Variants in FAT3 observed in about 807,000 individuals in gnomAD.
The protein encoded by FAT3 is FAT atypical cadherin 3.
In FAT3, 95 loss-of-function variants were observed where a neutral mutation model predicts 310.2. The observed-to-expected ratio is 0.31, with a 90% confidence interval of 0.26 to 0.36. The LOEUF is 0.36. Ranked by LOEUF, FAT3 falls within the 10% of genes least tolerant of loss-of-function variation. The pLI is 1.00. For missense variants in FAT3, 5,408 were observed against 5,715.6 expected (o/e 0.95, Z 1.74); for synonymous variants, 2,314 against 2,192.9 (o/e 1.06, Z -1.54).
At chr11:92,364,642 T>C (rs918632121) in intron 2 of FAT3, among the ~76,000 whole-genome samples, 9 of 152,230 alleles carry the variant, frequency 5.9e-5, no homozygotes, top group Non-Finnish European at 1.2e-4. Flanking sequence ...CACTTGCCAG[T>C]TTTTATGAAA....
intron 3 of FAT3, among the ~76,000 whole-genome samples, chr11:92,585,467 C>A (rs1313880014): frequency 1.3e-5 from 2 of 152,026 alleles, no homozygotes; most frequent in Non-Finnish European, 2.9e-5. Flanking sequence ...TCAGAGACAT[C>A]TCTTGTAGTA....
At chr11:92,469,035 T>G (rs1039612193) in intron 2 of FAT3, among the ~76,000 whole-genome samples, 1 of 152,216 alleles carries the variant, frequency 6.6e-6, no homozygotes, top group African/African-American at 2.4e-5. Flanking sequence ...ATTCTGAATT[T>G]TGAGCCAAAT....
intron 3 of FAT3, among the ~76,000 whole-genome samples, chr11:92,638,027 T>C (rs1941830338): frequency 6.6e-6 from 1 of 152,216 alleles, no homozygotes; most frequent in Non-Finnish European, 1.5e-5. Context: ...TACTTCATGT[T>C]ATGTTTGGTG....
intron 3 of FAT3, among the ~76,000 whole-genome samples, chr11:92,660,248 A>G (rs181767596): frequency 2.6e-5 from 4 of 151,436 alleles, no homozygotes; most frequent in East Asian, 3.9e-4. Context: ...TACGAAACAC[A>G]TGACCATTTG....
chr11:92,331,951 C>T (rs189269193), intron 1 of FAT3, among the ~76,000 whole-genome samples: 1 of 152,298 alleles, frequency 6.6e-6, no homozygotes, highest in East Asian at 1.9e-4. Context: ...GGTTCCTTAT[C>T]AAATCCTTCT....
rs1234558477 is a variant in FAT3 at position 92,355,265 on chromosome 11, T to C, written c.3153T>C (p.Ser1051=). ...PYFPDFAVVG[S]VKENSRIGTS... is the part of the protein sequence containing the mutation. ...TCCCAGACTTTGCTGTTGTTGGATCTGTAAAGGAAAACTCACGCATTGGAA... is the reference window on the plus strand; with the variant it reads ...TCCCAGACTTTGCTGTTGTTGGATCCGTAAAGGAAAACTCACGCATTGGAA... The change falls in exon 2 of 28, where the codon TCT becomes TCC. Residue 1051 remains serine (S), a synonymous_variant. Coordinates refer to ENST00000525166, the MANE Select transcript of FAT3 (RefSeq NM_001367949.2). 22 of 1,613,800 alleles carry C rather than the reference T, an allele frequency of 1.4e-5. No individual in the cohort carries two copies. The highest frequency in any genetic ancestry group is 1.8e-5 in the Non-Finnish European group (21 of 1,179,866).
chr11:92,258,313 A>G (rs1323524807), intron 1 of FAT3, among the ~76,000 whole-genome samples: 3 of 152,142 alleles, frequency 2.0e-5, no homozygotes, highest in Non-Finnish European at 4.4e-5. Flanking sequence ...TAGGAGAAGT[A>G]AGTCATGGAC....
intron 2 of FAT3, among the ~76,000 whole-genome samples, chr11:92,370,761 G>T (rs1565265187): frequency 6.6e-6 from 1 of 152,124 alleles, no homozygotes; most frequent in Non-Finnish European, 1.5e-5. Flanking sequence ...CTAAATTCTT[G>T]TGTTTCACAA....
rs2136444751 is a variant in FAT3, at chr11:92,890,671, A to T, written c.13328A>T (p.Glu4443Val). 2 of 1,613,744 alleles carry T rather than the reference A, an allele frequency of 1.2e-6. No individual in the cohort carries two copies. The highest frequency in any genetic ancestry group is 1.7e-6 in the Non-Finnish European group (2 of 1,179,834). ...IDSEYPPPHE[E>V]EFLSQDQLPP... ...AGTGAATACCCACCCCCTCATGAAG[A>T]GGAGTTCTTGAGTCAGGACCAGCTG... Residue 4443 changes from glutamate (E) to valine (V), a missense_variant, in exon 28 of 28, where the codon GAG becomes GTG. By Grantham distance (121) the Glu-to-Val change is moderately radical. Transcript: ENST00000525166.
At chr11:92,578,216 C>T (rs1938593114) in intron 3 of FAT3, among the ~76,000 whole-genome samples, 1 of 62,914 alleles carries the variant, frequency 1.6e-5, no homozygotes, top group South Asian at 4.1e-4. Context: ...TGTATTTTGA[C>T]CAACACTGAT....
intron 2 of FAT3, among the ~76,000 whole-genome samples, chr11:92,444,606 A>G (rs1951165118): frequency 6.8e-6 from 1 of 147,834 alleles, no homozygotes; most frequent in Non-Finnish European, 1.5e-5. Context: ...AGGAGGACAT[A>G]TCCACCAAGC....
At chr11:92,438,472 C>T (rs1325649080) in intron 2 of FAT3, among the ~76,000 whole-genome samples, 1 of 152,122 alleles carries the variant, frequency 6.6e-6, no homozygotes, top group Non-Finnish European at 1.5e-5. Context: ...ACTATTTTAA[C>T]CATTTTTAAA....
intron 2 of FAT3, among the ~76,000 whole-genome samples, chr11:92,419,723 C>G (rs557433144): frequency 6.6e-6 from 1 of 152,068 alleles, no homozygotes. Context: ...CAGCTGTGTA[C>G]CTGTCACTAA....
Position 92,844,245 on chromosome 11 carries a change from C to T in FAT3, c.10878C>T (p.Arg3626=), listed in dbSNP as rs1348541779. The T allele has an allele frequency of 1.2e-6, 2 of 1,614,020 alleles. No homozygotes were observed. Among genetic ancestry groups the T allele is most frequent in the African/African-American group, 1.3e-5 (1 of 75,062 alleles). Residue 3626 remains arginine (R), a synonymous_variant, in exon 19 of 28, where the codon CGC becomes CGT. Transcript: ENST00000525166. Reference sequence around the variant, plus strand: ...TGAATGTGTCTGTGAGTGATGGTCGCTTCCAGGTACCCATTGATGTGGTCG... The same window carrying T: ...TGAATGTGTCTGTGAGTGATGGTCGTTTCCAGGTACCCATTGATGTGGTCG... ...YVLNVSVSDG[R]FQVPIDVVVH...
chr11:92,335,531 C>G (rs1217743772), intron 1 of FAT3, among the ~76,000 whole-genome samples: 9 of 152,158 alleles, frequency 5.9e-5, no homozygotes, highest in Non-Finnish European at 1.3e-4. Context: ...GTGTTCTGCA[C>G]CTTATATAAA....
chr11:92,562,812 T>A (rs1453480348), intron 3 of FAT3, among the ~76,000 whole-genome samples: 3 of 152,176 alleles, frequency 2.0e-5, no homozygotes, highest in Non-Finnish European at 4.4e-5. Flanking sequence ...AAAATTTGCC[T>A]GGATTTTTCT....
Position 92,836,733 on chromosome 11 carries a change from A to G in FAT3, c.10224+30A>G, listed in dbSNP as rs369847346. ...GCTAGTTTAGGACAGTTTCCTTCCC[A>G]TCCACATCCACCACTTTCCTAGAAT... is the stretch of plus-strand genomic sequence containing the variant. On this transcript the variant is annotated intron_variant, in intron 16 of 27. Transcript: ENST00000525166. 7.5e-6 allele frequency: 12 copies of G among 1,600,876 alleles called. No individual in the cohort carries two copies. In the African/African-American group the frequency reaches 1.5e-4, roughly 20 times the overall value.
chr11:92,242,938 T>C (rs952562334), intron 1 of FAT3, among the ~76,000 whole-genome samples: 2 of 151,716 alleles, frequency 1.3e-5, no homozygotes, highest in African/African-American at 2.4e-5. Flanking sequence ...GTGGATGTGT[T>C]CCAGGGAAAA....
chr11:92,435,692 G>A (rs1356695271), intron 2 of FAT3, among the ~76,000 whole-genome samples: 1 of 151,454 alleles, frequency 6.6e-6, no homozygotes, highest in Non-Finnish European at 1.5e-5. Context: ...AGCCACTTGA[G>A]TAGCTGGAAT....
Sources: gnomAD v4.1 joint callset for allele counts (sites outside exome capture counted in the v4.1 genomes callset) on GRCh38, gnomAD v4.1.1 for gene constraint, MANE v1.5 for transcripts, NCBI Gene and HGNC (gene_info 2026-07-23, HGNC 2026-07-21) for gene names.